The following ZNF44 variants were observed in gnomAD, a reference collection of about 807,000 sequenced individuals.
ZNF44 encodes the protein zinc finger protein 44.
A neutral mutation model predicts 11.7 loss-of-function variants in ZNF44; 9 were observed. That is an observed-to-expected ratio of 0.77 (90% confidence interval 0.46 to 1.35). The LOEUF (loss-of-function observed/expected upper bound fraction) is 1.35, where lower values mean the gene tolerates loss of function less well. Ranked by LOEUF, ZNF44 falls within the 40% of genes most tolerant of loss-of-function variation. The pLI is 0.00. For missense variants in ZNF44, 696 were observed against 743.1 expected, an observed-to-expected ratio of 0.94 and a Z score of 0.74; for synonymous variants, 224 against 242.7, an observed-to-expected ratio of 0.92 and a Z score of 0.72.
At chr19:12,237,818 C>G (rs1916452964), upstream of ZNF44, 1 of 144,338 alleles carries the variant, frequency 6.9e-6, no homozygotes, top group African/African-American at 2.5e-5. Context: ...TGGACGTGAC[C>G]CCACACTGGG....
intron 1 of ZNF44, among the ~76,000 whole-genome samples, chr19:12,286,070 A>C (rs1205862576): frequency 6.6e-6 from 1 of 152,116 alleles, no homozygotes; most frequent in Non-Finnish European, 1.5e-5. Context: ...ATGTGTGAGT[A>C]AACTGCATGA....
chr19:12,250,945 G>C, intron 5 of ZNF44: 1 of 399,700 alleles, frequency 2.5e-6, no homozygotes, highest in South Asian at 1.9e-5. Context: ...GGAGAAGTTG[G>C]CTGGGCACAA....
At chr19:12,282,656 G>C (rs961554610) in intron 1 of ZNF44, among the ~76,000 whole-genome samples, 7 of 151,926 alleles carry the variant, frequency 4.6e-5, no homozygotes, top group South Asian at 2.1e-4. Context: ...TTTCTGACCT[G>C]AGGTGATCCG....
exon 2 of ZNF44, chr19:12,234,728 A>C (rs1916311592): frequency 6.6e-6 from 1 of 152,288 alleles, no homozygotes; most frequent in Non-Finnish European, 1.5e-5. Flanking sequence ...TCACGGAAAA[A>C]TCCAGCAAAG....
chr19:12,245,468 C>G (rs567893992), downstream of ZNF44, among the ~76,000 whole-genome samples: 1 of 152,220 alleles, frequency 6.6e-6, no homozygotes, highest in Non-Finnish European at 1.5e-5. Context: ...TGGAAATTCT[C>G]ACGATCTGCC....
chr19:12,272,218 TG>T lies in ZNF44; in HGVS notation c.*188del. ...ACAGGGTTTCCCATGTTAGCCAGGC[TG>T]GTCTCGATCTCCTGGCCTCGTGATC... On this transcript the variant is annotated 3_prime_UTR_variant, in exon 4 of 4. Coordinates refer to ENST00000355684, the MANE Select transcript of ZNF44 (RefSeq NM_016264.4). The T allele has an allele frequency of 1.1e-6, 1 of 921,358 alleles. No individual in the cohort carries two copies. The highest frequency in any genetic ancestry group is 1.4e-6 in the Non-Finnish European group (1 of 696,546). The allele number at this position is 921,358 out of a possible 1,614,324, so 57.1% of individuals were successfully genotyped here.
intron 1 of ZNF44, among the ~76,000 whole-genome samples, chr19:12,289,482 T>C (rs889565105): frequency 3.9e-5 from 6 of 152,012 alleles, no homozygotes; most frequent in African/African-American, 1.2e-4. Context: ...ATCTAGAATC[T>C]GATTTTCACC....
chr19:12,254,690 G>A (rs1158376170), intron 5 of ZNF44, among the ~76,000 whole-genome samples: 10 of 151,948 alleles, frequency 6.6e-5, no homozygotes, highest in Admixed American at 5.9e-4. Context: ...AGCCGCAATC[G>A]CACCACTGCA....
intron 5 of ZNF44, among the ~76,000 whole-genome samples, chr19:12,255,959 C>T (rs971074573): frequency 1.4e-5 from 2 of 145,242 alleles, no homozygotes; most frequent in African/African-American, 5.1e-5. Context: ...TTGCTTGAAC[C>T]TGGGGAGGCG....
intron 1 of ZNF44, among the ~76,000 whole-genome samples, chr19:12,276,530 CTAA>C (rs1967226869): frequency 6.6e-6 from 1 of 152,128 alleles, no homozygotes; most frequent in South Asian, 2.1e-4. Context: ...GTAAGCATAA[CTAA>C]TAAAGGGGGT....
downstream of ZNF44, among the ~76,000 whole-genome samples, chr19:12,267,830 T>G (rs1917787902): frequency 1.5e-5 from 2 of 131,510 alleles, no homozygotes; most frequent in African/African-American, 6.7e-5. Context: ...CTTGACAGAT[T>G]GTCTTTTTTT....
At chr19:12,225,889 C>T (rs1282020376), downstream of ZNF44, among the ~76,000 whole-genome samples, 1 of 152,166 alleles carries the variant, frequency 6.6e-6, no homozygotes, top group Non-Finnish European at 1.5e-5. Context: ...GAGGCAGCGC[C>T]TGCTGAAACA....
At chr19:12,265,410 T>A (rs1191926162) in intron 5 of ZNF44, among the ~76,000 whole-genome samples, 1 of 152,176 alleles carries the variant, frequency 6.6e-6, no homozygotes, top group Non-Finnish European at 1.5e-5. Flanking sequence ...AAGCAGGATG[T>A]AATACTGGAT....
chr19:12,254,146 C>A, intron 5 of ZNF44, among the ~76,000 whole-genome samples: 1 of 149,234 alleles, frequency 6.7e-6, no homozygotes, highest in Non-Finnish European at 1.5e-5. Flanking sequence ...GGACATAAAA[C>A]AAACCTAATC....
At chr19:12,257,768 T>C (rs1424138690) in intron 5 of ZNF44, among the ~76,000 whole-genome samples, 1 of 132,112 alleles carries the variant, frequency 7.6e-6, no homozygotes, top group Admixed American at 8.7e-5. Flanking sequence ...GCCACTGCAC[T>C]CCAGCCCCGG....
chr19:12,263,361 CAG>C (rs1917596806), intron 5 of ZNF44, among the ~76,000 whole-genome samples: 1 of 152,038 alleles, frequency 6.6e-6, no homozygotes, highest in Admixed American at 6.6e-5. Context: ...GCTGGGATTA[CAG>C]GCATGAGCCA....
At chr19:12,243,828 T>C (rs1031729023), downstream of ZNF44, among the ~76,000 whole-genome samples, 2 of 152,114 alleles carry the variant, frequency 1.3e-5, no homozygotes, top group African/African-American at 4.8e-5. Flanking sequence ...CTAACACTAA[T>C]CTCTCTTGAT....
chr19:12,274,684 C>T (rs1045350380), intron 3 of ZNF44, among the ~76,000 whole-genome samples: 2 of 151,926 alleles, frequency 1.3e-5, no homozygotes, highest in Non-Finnish European at 2.9e-5. Context: ...ATCCTCCTGT[C>T]TCAGCCTCCC....
chr19:12,282,176 G>A, intron 1 of ZNF44, among the ~76,000 whole-genome samples: 1 of 152,026 alleles, frequency 6.6e-6, no homozygotes, highest in Non-Finnish European at 1.5e-5. Flanking sequence ...TGGACTTTCA[G>A]CCTCTACACC....
Sources: gnomAD v4.1 joint callset for allele counts (sites outside exome capture counted in the v4.1 genomes callset) on GRCh38, gnomAD v4.1.1 for gene constraint, MANE v1.5 for transcripts, NCBI Gene and HGNC (gene_info 2026-07-23, HGNC 2026-07-21) for gene names.